The following PHACTR1 variants were observed in gnomAD, a reference collection of about 807,000 sequenced individuals.
The protein encoded by PHACTR1 is RPEL repeat containing 1.
PHACTR1 carries 16 observed loss-of-function variants against 69.2 expected under a neutral mutation model. That is an observed-to-expected ratio of 0.23 (90% CI 0.16 to 0.35). PHACTR1 has a LOEUF of 0.35. Ranked by LOEUF, PHACTR1 falls within the 10% of genes least tolerant of loss-of-function variation. The probability of loss-of-function intolerance (pLI) is 1.00; values close to 1 mark genes in which losing one functional copy is unlikely to be tolerated. For missense variants in PHACTR1, 510 were observed against 734.7 expected (o/e 0.69, Z 3.54); for synonymous variants, 312 against 284.5 (o/e 1.10, Z -0.97).
At chr6:13,200,091 G>A (rs1214209062) in intron 7 of PHACTR1, among the ~76,000 whole-genome samples, 2 of 152,192 alleles carry the variant, frequency 1.3e-5, no homozygotes, top group African/African-American at 4.8e-5. Context: ...ATGCTGGATG[G>A]AACTGATGCA....
intron 4 of PHACTR1, among the ~76,000 whole-genome samples, chr6:13,015,804 T>C (rs1800098855): frequency 6.6e-6 from 1 of 152,222 alleles, no homozygotes; most frequent in African/African-American, 2.4e-5. Flanking sequence ...ACGTGCGTCA[T>C]CTCCACAGCC....
At chr6:12,943,326 C>T (rs1458554286) in intron 4 of PHACTR1, among the ~76,000 whole-genome samples, 1 of 152,144 alleles carries the variant, frequency 6.6e-6, no homozygotes, top group Non-Finnish European at 1.5e-5. Context: ...AGACAGGAGG[C>T]AGGTTGGTTT....
chr6:12,920,576 T>C (rs1787526140), intron 4 of PHACTR1, among the ~76,000 whole-genome samples: 1 of 152,206 alleles, frequency 6.6e-6, no homozygotes, highest in Non-Finnish European at 1.5e-5. Context: ...GTTCCTATTT[T>C]CCCTGCCAGG....
At chr6:12,844,830 T>C (rs1582048556) in intron 4 of PHACTR1, among the ~76,000 whole-genome samples, 1 of 151,994 alleles carries the variant, frequency 6.6e-6, no homozygotes, top group Non-Finnish European at 1.5e-5. Context: ...GGGGAGGAAA[T>C]TGGGCTACTG....
chr6:12,746,755 A>G (rs1480118463), intron 3 of PHACTR1, among the ~76,000 whole-genome samples: 1 of 152,246 alleles, frequency 6.6e-6, no homozygotes, highest in African/African-American at 2.4e-5. Flanking sequence ...AGGAATTCAA[A>G]GATGTACTTC....
chr6:13,276,392 G>A (rs908585006), intron 11 of PHACTR1, among the ~76,000 whole-genome samples: 4 of 152,214 alleles, frequency 2.6e-5, no homozygotes, highest in Non-Finnish European at 4.4e-5. Context: ...GCTAGTGGGA[G>A]GTATAGTCAC....
At chr6:13,108,671 G>C (rs1816547280) in intron 5 of PHACTR1, among the ~76,000 whole-genome samples, 1 of 151,938 alleles carries the variant, frequency 6.6e-6, no homozygotes, top group Non-Finnish European at 1.5e-5. Flanking sequence ...TAGCATTCCA[G>C]CTTTCTCCTG....
chr6:12,879,185 G>A (rs560372105), intron 4 of PHACTR1, among the ~76,000 whole-genome samples: 1 of 152,336 alleles, frequency 6.6e-6, no homozygotes, highest in African/African-American at 2.4e-5. Flanking sequence ...ATCTGAGCAA[G>A]AAATTTGAAC....
intron 5 of PHACTR1, among the ~76,000 whole-genome samples, chr6:13,158,809 C>G (rs1176135192): frequency 6.6e-6 from 1 of 152,218 alleles, no homozygotes; most frequent in Non-Finnish European, 1.5e-5. Flanking sequence ...ATCCTTGTTG[C>G]TTGCTTTCTT....
intron 4 of PHACTR1, among the ~76,000 whole-genome samples, chr6:12,785,072 T>C (rs1771376822): frequency 6.6e-6 from 1 of 151,622 alleles, no homozygotes; most frequent in African/African-American, 2.4e-5. Context: ...CATATACATA[T>C]ATTATGCTTA....
In PHACTR1 at chr6:12,792,729, T is replaced by C. The variant is rs1364530142; in HGVS notation, c.250+42939T>C. Among the ~76,000 whole-genome samples the C allele has an allele frequency of 3.3e-5, 5 of 152,082 alleles. No individual in the cohort carries two copies. In the East Asian group the frequency reaches 9.6e-4, roughly 29 times the overall value. ...TTGGCCTAGTATGTCTTTTGGACTC[T>C]GAGGCTTTTTAGATTTCATTAAAAT... On this transcript the variant is annotated intron_variant, in intron 4 of 14. Transcript: ENST00000332995.
intron 5 of PHACTR1, among the ~76,000 whole-genome samples, chr6:13,062,049 A>C (rs556932907): frequency 6.6e-6 from 1 of 152,310 alleles, no homozygotes; most frequent in South Asian, 2.1e-4. Context: ...ACATAGCCTT[A>C]GTCTGCTTCT....
intron 4 of PHACTR1, among the ~76,000 whole-genome samples, chr6:12,822,226 G>A (rs1381987149): frequency 6.6e-6 from 1 of 152,184 alleles, no homozygotes; most frequent in Non-Finnish European, 1.5e-5. Flanking sequence ...TTGAGAGGAG[G>A]AGATGTTGGC....
rs71819721 is a variant in PHACTR1, at chr6:13,006,660, T to TACAC, written c.251-46686_251-46683dup. ...TTATATTAAATAAGGTGATATATGATACACACACACACACACACACACTTC... is the reference window on the plus strand; with the variant it reads ...TTATATTAAATAAGGTGATATATGATACACACACACACACACACACACACACTTC... On this transcript the variant is annotated intron_variant, in intron 4 of 14. Coordinates refer to ENST00000332995, the MANE Select transcript of PHACTR1 (RefSeq NM_030948.6). 6.7e-3 allele frequency among the ~76,000 whole-genome samples: 998 copies of TACAC among 149,712 alleles called. 7 individuals carry two copies. Among genetic ancestry groups the TACAC allele is most frequent in the African/African-American group, 0.023 (930 of 40,972 alleles).
rs934313068 is a variant in PHACTR1 at position 12,731,949 on chromosome 6, G to T, written c.103+13102G>T. On this transcript the variant is annotated intron_variant, in intron 3 of 14. Transcript: ENST00000332995. ...AGCCATTTTATGTCATTATACTCAG[G>T]TTCAACTTCTTAAAGGAAAGTTTTA... Among the ~76,000 whole-genome samples the T allele has an allele frequency of 2.6e-5, 4 of 151,668 alleles. No homozygotes were observed. The East Asian group carries it at 7.7e-4, about 29-fold the overall frequency.
chr6:12,765,866 C>T (rs74345648), intron 4 of PHACTR1, among the ~76,000 whole-genome samples: 86 of 152,364 alleles, frequency 5.6e-4, no homozygotes, highest in African/African-American at 2.1e-3. Context: ...TCCCAAGTGA[C>T]TTCCTAGACA....
chr6:12,973,916 ATT>A (rs33948457), intron 4 of PHACTR1, among the ~76,000 whole-genome samples: 1,061 of 92,760 alleles, frequency 0.011, 3 homozygotes, highest in African/African-American at 0.026. Flanking sequence ...AGAGGCTGGG[ATT>A]TTTTTTTTTT....
chr6:12,932,330 C>A (rs561012199), intron 4 of PHACTR1, among the ~76,000 whole-genome samples: 1 of 152,248 alleles, frequency 6.6e-6, no homozygotes, highest in African/African-American at 2.4e-5. Flanking sequence ...CATTCATCAG[C>A]CTGTCTCTAT....
intron 4 of PHACTR1, among the ~76,000 whole-genome samples, chr6:12,891,263 AT>A (rs1197681399): frequency 6.6e-6 from 1 of 151,004 alleles, no homozygotes; most frequent in African/African-American, 2.4e-5. Context: ...TACTCCTACC[AT>A]TTTTTTTTAC....
Sources: gnomAD v4.1 joint callset for allele counts (sites outside exome capture counted in the v4.1 genomes callset) on GRCh38, gnomAD v4.1.1 for gene constraint, MANE v1.5 for transcripts, NCBI Gene and HGNC (gene_info 2026-07-23, HGNC 2026-07-21) for gene names.